INO80: variants seen among roughly 807,000 people sequenced by gnomAD.
The protein encoded by INO80 is chromatin-remodeling ATPase INO80.
A neutral mutation model predicts 203.4 loss-of-function variants in INO80; 20 were observed. The ratio of observed to expected loss-of-function variants is 0.10; its 90% CI spans 0.07 to 0.14. The LOEUF is 0.14. INO80 is among the 10% of genes least tolerant of loss of function. INO80 has a pLI of 1.00. For missense variants in INO80, 1,419 were observed against 1,914.4 expected (o/e 0.74, Z 4.83); for synonymous variants, 726 against 685.2 (o/e 1.06, Z -0.93).
intron 1 of INO80, among the ~76,000 whole-genome samples, chr15:41,113,163 G>C (rs1329466674): frequency 6.6e-6 from 1 of 152,072 alleles, no homozygotes; most frequent in Non-Finnish European, 1.5e-5. Flanking sequence ...CGATCCGCCT[G>C]CTCAGCCTCC....
rs767698352 is a variant in INO80 at position 41,055,233 on chromosome 15, A to G, written c.2188+14T>C. On this transcript the variant is annotated intron_variant, in intron 18 of 35. Transcript: ENST00000648947. ...TGATAGGTAGATAGAAAGCCAGCTC[A>G]TAACAGTACTCACTCTCATCAATAG... 6 of 1,472,244 alleles carry G rather than the reference A, an allele frequency of 4.1e-6. No individual in the cohort carries two copies. Among genetic ancestry groups the G allele is most frequent in the Middle Eastern group, 1.7e-4 (1 of 5,774 alleles). 91.2% of individuals were successfully genotyped at this position (1,472,244 alleles called of 1,614,324 possible). A position where few individuals can be genotyped will look rare whatever the true frequency, so the allele number is the denominator to read the frequency against.
At chr15:41,028,468 A>T (rs1313718027) in intron 24 of INO80, among the ~76,000 whole-genome samples, 1 of 152,222 alleles carries the variant, frequency 6.6e-6, no homozygotes, top group Admixed American at 6.5e-5. Flanking sequence ...AAGGCAGTTT[A>T]GCACCATTTG....
intron 27 of INO80, among the ~76,000 whole-genome samples, chr15:41,006,892 C>T (rs1332021030): frequency 1.3e-5 from 2 of 152,150 alleles, no homozygotes; most frequent in Admixed American, 1.3e-4. Context: ...AAGTGAGCTT[C>T]AAGTTCATAC....
At chr15:41,072,682 AC>A in intron 11 of INO80, among the ~76,000 whole-genome samples, 1 of 151,432 alleles carries the variant, frequency 6.6e-6, no homozygotes, top group African/African-American at 2.4e-5. Context: ...TAAATAAATA[AC>A]AAAGAGCAAG....
chr15:41,035,564 G>A (rs1418106182), intron 24 of INO80, among the ~76,000 whole-genome samples: 3 of 151,624 alleles, frequency 2.0e-5, no homozygotes, highest in Non-Finnish European at 4.4e-5. Flanking sequence ...GCTCACGCCT[G>A]TAATCCCAGC....
intron 14 of INO80, among the ~76,000 whole-genome samples, chr15:41,069,240 C>G (rs1415590550): frequency 6.6e-6 from 1 of 152,048 alleles, no homozygotes. Context: ...CCCTCGCCCC[C>G]TCACCCCCCT....
chr15:41,036,680 T>C (rs941577997), intron 24 of INO80, among the ~76,000 whole-genome samples: 12 of 152,244 alleles, frequency 7.9e-5, no homozygotes, highest in Non-Finnish European at 1.3e-4. Flanking sequence ...ATTAATATAA[T>C]GTGCCATTAT....
At chr15:41,080,984 A>G in intron 8 of INO80, 36 bp downstream of exon 8, 1 of 1,416,948 alleles carries the variant, frequency 7.1e-7, no homozygotes, top group Non-Finnish European at 1.0e-6. Flanking sequence ...TATTCCAGCA[A>G]AACATGAAAT....
intron 24 of INO80, among the ~76,000 whole-genome samples, chr15:41,043,979 T>C (rs976591140): frequency 1.3e-4 from 20 of 152,110 alleles, no homozygotes; most frequent in African/African-American, 4.8e-4. Flanking sequence ...ACAAAAATAA[T>C]TAAAACTGTA....
chr15:40,984,175 A>G, intron 33 of INO80, 22 bp downstream of exon 33: 2 of 1,610,612 alleles, frequency 1.2e-6, no homozygotes, highest in Non-Finnish European at 1.7e-6. Flanking sequence ...GCTGTGATGC[A>G]GGCATCTAAA....
At chr15:40,988,864 A>T (rs2043777374) in intron 29 of INO80, among the ~76,000 whole-genome samples, 1 of 152,060 alleles carries the variant, frequency 6.6e-6, no homozygotes, top group Non-Finnish European at 1.5e-5. Context: ...AAAATACAAA[A>T]ATTAGCTGGG....
Position 41,116,216 on chromosome 15 carries a change from T to G in INO80, c.-287A>C. ...GGGCCGGCGGCGGCGGCGGCCACTT[T>G]CACTCACTGAGAGGAGCGGAGCAGG... On this transcript the variant is annotated 5_prime_UTR_variant, in exon 1 of 36. Transcript: ENST00000648947. 4.9e-6 allele frequency: 2 copies of G among 406,742 alleles called. No individual in the cohort carries two copies. Among genetic ancestry groups the G allele is most frequent in the Non-Finnish European group, 8.6e-6 (2 of 233,250 alleles). 25.2% of individuals were successfully genotyped at this position (406,742 alleles called of 1,614,324 possible). A position where few individuals can be genotyped will look rare whatever the true frequency, so the allele number is the denominator to read the frequency against.
chr15:41,038,171 T>C (rs551162360), intron 24 of INO80, among the ~76,000 whole-genome samples: 1 of 151,386 alleles, frequency 6.6e-6, no homozygotes, highest in African/African-American at 2.4e-5. Flanking sequence ...CAGGCCACCA[T>C]GCCTGGCTAG....
At chr15:41,089,820 T>C (rs555891363) in intron 5 of INO80, among the ~76,000 whole-genome samples, 1 of 151,130 alleles carries the variant, frequency 6.6e-6, no homozygotes, top group Non-Finnish European at 1.5e-5. Flanking sequence ...AAAACTATCA[T>C]CATTTTAATG....
intron 12 of INO80, among the ~76,000 whole-genome samples, chr15:41,071,244 ATTAAT>A (rs1406792106): frequency 3.9e-5 from 6 of 152,124 alleles, no homozygotes; most frequent in African/African-American, 9.7e-5. Context: ...ATAAATCTAC[ATTAAT>A]TTATTTTTAA....
At position 40,982,852 on chromosome 15, in the gene INO80, G is replaced by A. The variant is rs766235282; in HGVS notation, c.4453+10C>T. On this transcript the variant is annotated intron_variant, in intron 35 of 35. Coordinates refer to ENST00000648947, the MANE Select transcript of INO80 (RefSeq NM_017553.3). ...AGAACAAAGTCTGCAGCCACCCTGG[G>A]CTTCTGTACCTTTAGACACGTTGTA... The A allele has an allele frequency of 3.7e-6, 6 of 1,604,286 alleles. No individual in the cohort carries two copies. In the East Asian group the frequency reaches 6.7e-5, roughly 18 times the overall value.
At chr15:41,049,887 TCAAAAAA>T (rs1353283015) in intron 20 of INO80, 41 bp downstream of exon 20, 1 of 1,547,822 alleles carries the variant, frequency 6.5e-7, no homozygotes, top group Non-Finnish European at 8.8e-7. Context: ...CAATTCTATC[TCAAAAAA>T]CAAAAAACAA....
chr15:40,984,409 CG>C, intron 32 of INO80, 57 bp from the exon 33 acceptor site: 12 of 1,521,156 alleles, frequency 7.9e-6, no homozygotes, highest in Non-Finnish European at 1.1e-5. Context: ...AAAAGAAAAG[CG>C]GGATTTGGGA....
Position 41,016,069 on chromosome 15 carries a change from C to T in INO80, c.3402+19G>A. ...TTAAATGTCAAGGTATCCTAGGTCC[C>T]CAAGATTCCCTCTCCTACCTCCAGT... On this transcript the variant is annotated intron_variant, in intron 27 of 35. Coordinates refer to ENST00000648947, the MANE Select transcript of INO80 (RefSeq NM_017553.3). 1 of 1,605,986 alleles carries T rather than the reference C, an allele frequency of 6.2e-7. No homozygotes were observed. The highest frequency in any genetic ancestry group is 8.5e-7 in the Non-Finnish European group (1 of 1,174,210).
Sources: allele counts gnomAD v4.1 joint callset (sites outside exome capture counted in the v4.1 genomes callset), GRCh38; gene constraint gnomAD v4.1.1; transcripts MANE v1.5; gene names NCBI Gene and HGNC (gene_info 2026-07-23, HGNC 2026-07-21).